Variants in SYN3 observed in about 807,000 individuals in gnomAD.
SYN3 encodes synapsin-3.
A neutral mutation model predicts 65.8 loss-of-function variants in SYN3; 35 were observed. That is an observed-to-expected ratio of 0.53 (90% CI 0.41 to 0.70). The LOEUF (loss-of-function observed/expected upper bound fraction) is 0.70. SYN3 is among the 30% of genes least tolerant of loss of function. The pLI, the probability that SYN3 is intolerant of heterozygous loss-of-function variation, is 0.00. For synonymous variants in SYN3, 270 were observed against 292.9 expected, an observed-to-expected ratio of 0.92 and a Z score of 0.80; for missense variants, 680 against 749.0, an observed-to-expected ratio of 0.91 and a Z score of 1.08.
intron 3 of SYN3, among the ~76,000 whole-genome samples, chr22:32,932,364 G>C (rs1383236381): frequency 6.6e-6 from 1 of 152,010 alleles, no homozygotes; most frequent in African/African-American, 2.4e-5. Flanking sequence ...AGTTGATGGG[G>C]TAAGCATCTG....
chr22:32,917,646 C>T (rs573411116), intron 4 of SYN3, among the ~76,000 whole-genome samples: 4 of 152,338 alleles, frequency 2.6e-5, no homozygotes, highest in African/African-American at 9.6e-5. Flanking sequence ...TGCACAGGGT[C>T]AGCGGGGCGC....
intron 3 of SYN3, among the ~76,000 whole-genome samples, chr22:32,958,809 C>T (rs1173614124): frequency 6.6e-6 from 1 of 152,040 alleles, no homozygotes; most frequent in Non-Finnish European, 1.5e-5. Flanking sequence ...AATCCAAGGT[C>T]CCTGCTTTTG....
At chr22:32,986,041 T>C (rs1035228225) in intron 2 of SYN3, among the ~76,000 whole-genome samples, 4 of 151,960 alleles carry the variant, frequency 2.6e-5, no homozygotes, top group African/African-American at 9.7e-5. Flanking sequence ...CCCCCAAACA[T>C]ATAGTCTGTG....
intron 6 of SYN3, among the ~76,000 whole-genome samples, chr22:32,777,437 G>GT (rs2045935410): frequency 1.3e-5 from 2 of 151,928 alleles, no homozygotes; most frequent in Non-Finnish European, 2.9e-5. Flanking sequence ...AGGAAGAAAA[G>GT]TCCTGACTCG....
chr22:32,815,811 C>T (rs1569246617), intron 6 of SYN3, among the ~76,000 whole-genome samples: 1 of 152,132 alleles, frequency 6.6e-6, no homozygotes, highest in Non-Finnish European at 1.5e-5. Flanking sequence ...CTCCTGACTC[C>T]AGAGTCCGAG....
intron 6 of SYN3, among the ~76,000 whole-genome samples, chr22:32,748,273 G>A (rs1223463637): frequency 3.3e-5 from 5 of 152,310 alleles, no homozygotes; most frequent in South Asian, 4.2e-4. Context: ...ATTCAAGAGA[G>A]GGTGGCCCAG....
At chr22:32,934,756 G>C (rs1165221072) in intron 3 of SYN3, among the ~76,000 whole-genome samples, 2 of 152,198 alleles carry the variant, frequency 1.3e-5, no homozygotes, top group African/African-American at 2.4e-5. Context: ...TTGGGAACTA[G>C]GGTCTTTTCA....
At chr22:32,986,922 G>T (rs1041228894) in intron 2 of SYN3, among the ~76,000 whole-genome samples, 1 of 152,124 alleles carries the variant, frequency 6.6e-6, no homozygotes, top group Non-Finnish European at 1.5e-5. Flanking sequence ...GTGCTGCCTG[G>T]GGTGGGAAAT....
intron 3 of SYN3, among the ~76,000 whole-genome samples, chr22:32,973,851 C>T (rs1298696003): frequency 1.3e-5 from 2 of 152,156 alleles, no homozygotes; most frequent in African/African-American, 2.4e-5. Context: ...CCAGGCTGGA[C>T]GATCTTCGCC....
intron 6 of SYN3, among the ~76,000 whole-genome samples, chr22:32,832,131 A>C (rs1214120811): frequency 6.6e-6 from 1 of 152,240 alleles, no homozygotes; most frequent in Non-Finnish European, 1.5e-5. Flanking sequence ...TCACCCAGAC[A>C]GATCCCAGGC....
chr22:32,949,543 C>A (rs1297038316), intron 3 of SYN3, among the ~76,000 whole-genome samples: 1 of 152,116 alleles, frequency 6.6e-6, no homozygotes, highest in Non-Finnish European at 1.5e-5. Context: ...CCCACACACC[C>A]ACACACACGC....
chr22:32,701,229 C>T (rs2060806301), intron 6 of SYN3, among the ~76,000 whole-genome samples: 1 of 152,206 alleles, frequency 6.6e-6, no homozygotes, highest in Non-Finnish European at 1.5e-5. Context: ...TCAATGAGGA[C>T]TTGTGATTCC....
At chr22:32,696,040 AAATTGCAATGGTT>A (rs1569155412) in intron 6 of SYN3, among the ~76,000 whole-genome samples, 1 of 152,098 alleles carries the variant, frequency 6.6e-6, no homozygotes, top group Non-Finnish European at 1.5e-5. Flanking sequence ...ACACACCTCC[AAATTGCAATGGTT>A]TAACATGTTA....
chr22:33,006,231 G>T, intron 2 of SYN3, 121 bp downstream of exon 2: 1 of 1,199,066 alleles, frequency 8.3e-7, no homozygotes, highest in Non-Finnish European at 1.2e-6. Flanking sequence ...CTTCTCTCCA[G>T]CCAGGCTCTG....
Position 33,034,004 on chromosome 22 carries a change from A to G in SYN3, c.-163+24288T>C, listed in dbSNP as rs960027945. On this transcript the variant is annotated intron_variant, in intron 1 of 13. Transcript: ENST00000358763. Reference sequence around the variant, plus strand: ...GTTCAACATCAGCCTGGCCAACACAATGAAACCCCCATCTCTACTAGAAGT... The same window carrying G: ...GTTCAACATCAGCCTGGCCAACACAGTGAAACCCCCATCTCTACTAGAAGT... Among the ~76,000 whole-genome samples, 7 of 151,750 alleles carry G rather than the reference A, an allele frequency of 4.6e-5. No homozygotes were observed. In the South Asian group the frequency reaches 8.3e-4, roughly 18 times the overall value.
At chr22:32,990,500 C>A (rs955015993) in intron 2 of SYN3, among the ~76,000 whole-genome samples, 1 of 152,112 alleles carries the variant, frequency 6.6e-6, no homozygotes, top group African/African-American at 2.4e-5. Flanking sequence ...ACACATTCGC[C>A]CATCCATCCA....
chr22:32,550,390 A>G (rs2058395300), intron 7 of SYN3, among the ~76,000 whole-genome samples: 1 of 151,756 alleles, frequency 6.6e-6, no homozygotes, highest in Non-Finnish European at 1.5e-5. Context: ...GCTCAACACA[A>G]CAGTAACTAT....
chr22:32,782,261 T>C (rs1419915905), intron 6 of SYN3, among the ~76,000 whole-genome samples: 1 of 150,750 alleles, frequency 6.6e-6, no homozygotes, highest in African/African-American at 2.4e-5. Flanking sequence ...AGAGACGGGG[T>C]TTTACCATGT....
chr22:32,778,968 A>G (rs1288768977), intron 6 of SYN3, among the ~76,000 whole-genome samples: 1 of 152,200 alleles, frequency 6.6e-6, no homozygotes, highest in Non-Finnish European at 1.5e-5. Flanking sequence ...TTACGTGCCC[A>G]GCTTGCCTTA....
Sources: allele counts gnomAD v4.1 joint callset (sites outside exome capture counted in the v4.1 genomes callset), GRCh38; gene constraint gnomAD v4.1.1; transcripts MANE v1.5; gene names NCBI Gene and HGNC (gene_info 2026-07-23, HGNC 2026-07-21).